The following ABCB9 variants were observed in gnomAD, a reference collection of about 807,000 sequenced individuals.
ABCB9 encodes ABC-type oligopeptide transporter ABCB9.
Under a neutral mutation model 62.0 loss-of-function variants are expected in ABCB9, and 36 were observed. The ratio of observed to expected loss-of-function variants is 0.58; its 90% confidence interval spans 0.45 to 0.77. The LOEUF (loss-of-function observed/expected upper bound fraction) is 0.77, where lower values mean the gene tolerates loss of function less well. ABCB9 is among the 30% of genes least tolerant of loss of function. The pLI is 0.00. For missense variants in ABCB9, 943 were observed against 1,054.7 expected (o/e 0.89, Z 1.47); for synonymous variants, 435 against 461.4 (o/e 0.94, Z 0.73).
Position 122,946,166 on chromosome 12 carries a change from C to T in ABCB9, c.1110G>A (p.Glu370=). ...ALARASNTAE[E]TISAMKTVRS... ...GGACAGTCTTCATGGCACTGATGGT[C>T]TCCTCCGCCGTGTTGCTCGCTCTGG... The change falls in exon 6 of 12, where the codon GAG becomes GAA. Residue 370 remains glutamate, a synonymous_variant. Transcript: ENST00000280560. The T allele has an allele frequency of 1.9e-6, 3 of 1,614,188 alleles. No homozygotes were observed. Among genetic ancestry groups the T allele is most frequent in the South Asian group, 1.1e-5 (1 of 91,078 alleles).
chr12:122,945,169 C>T (rs2035967917), intron 6 of ABCB9, among the ~76,000 whole-genome samples: 1 of 152,160 alleles, frequency 6.6e-6, no homozygotes, highest in Non-Finnish European at 1.5e-5. Context: ...TGGACCTTAG[C>T]CCCTCCTCTC....
At position 122,929,520 on chromosome 12, in the gene ABCB9, G is replaced by C. The variant is rs1442632540; in HGVS notation, c.*391C>G. On this transcript the variant is annotated 3_prime_UTR_variant, in exon 12 of 12. Coordinates refer to ENST00000280560, the MANE Select transcript of ABCB9 (RefSeq NM_019625.4). The surrounding 1 kb of genome is among the most constrained non-coding windows in gnomAD (Gnocchi z 6.0). ...ACTAAGGAAGGGCCATTCACTCCTGGCTCAGAAGTTTCTAGAACATCTTGG... is the reference window on the plus strand; with the variant it reads ...ACTAAGGAAGGGCCATTCACTCCTGCCTCAGAAGTTTCTAGAACATCTTGG... 4 of 1,009,984 alleles carry C rather than the reference G, an allele frequency of 4.0e-6. No individual in the cohort carries two copies. Among genetic ancestry groups the C allele is most frequent in the Non-Finnish European group, 4.7e-6 (4 of 846,656 alleles). The allele number at this position is 1,009,984 out of a possible 1,614,324, so 62.6% of individuals were successfully genotyped here.
At chr12:122,971,465 A>G (rs2037270290), upstream of ABCB9, among the ~76,000 whole-genome samples, 1 of 151,460 alleles carries the variant, frequency 6.6e-6, no homozygotes, top group African/African-American at 2.4e-5. Flanking sequence ...ATTTTTAATG[A>G]TTTTTTTGAG....
chr12:122,929,015 T>G lies in ABCB9; in HGVS notation c.*896A>C. 6.1e-6 allele frequency: 6 copies of G among 985,826 alleles called. No individual in the cohort carries two copies. Among genetic ancestry groups the G allele is most frequent in the Non-Finnish European group, 7.2e-6 (6 of 829,952 alleles). 61.1% of individuals were successfully genotyped at this position (985,826 alleles called of 1,614,324 possible). A position where few individuals can be genotyped will look rare whatever the true frequency, so the allele number is the denominator to read the frequency against. On this transcript the variant is annotated 3_prime_UTR_variant, in exon 12 of 12. Coordinates refer to ENST00000280560, the MANE Select transcript of ABCB9 (RefSeq NM_019625.4). The surrounding 1 kb of genome is among the most constrained non-coding windows in gnomAD (Gnocchi z 6.0). ...GGTTAGGGGTAAGAGGTAGTACACTTTATTGACCGGGTTCTCTCAACATGT... is the reference window on the plus strand; with the variant it reads ...GGTTAGGGGTAAGAGGTAGTACACTGTATTGACCGGGTTCTCTCAACATGT...
chr12:122,938,123 A>G (rs1469397015), intron 9 of ABCB9, among the ~76,000 whole-genome samples: 2 of 152,140 alleles, frequency 1.3e-5, no homozygotes, highest in Non-Finnish European at 2.9e-5. Flanking sequence ...CAAGCTTTCT[A>G]CTCTTAGGAT....
intron 11 of ABCB9, among the ~76,000 whole-genome samples, chr12:122,922,009 C>T (rs888138524): frequency 1.3e-5 from 2 of 152,026 alleles, no homozygotes; most frequent in Non-Finnish European, 2.9e-5. Flanking sequence ...TGAATAGAGG[C>T]GGCTAGGGAG....
intron 1 of ABCB9, among the ~76,000 whole-genome samples, chr12:122,963,127 G>C (rs1226336390): frequency 6.6e-6 from 1 of 152,064 alleles, no homozygotes; most frequent in African/African-American, 2.4e-5. Flanking sequence ...GCGAAATCCC[G>C]TCTCTACTAA....
chr12:122,949,921 A>G lies in ABCB9; in HGVS notation c.717-3T>C. On this transcript the variant is annotated splice_polypyrimidine_tract_variant and splice_region_variant and intron_variant, in intron 3 of 11. Transcript: ENST00000280560. ...CCCGAATACCTGCGGCAAATGAGCTAATTGCAGATAAGAGATATTATAGCA... is the reference window on the plus strand; with the variant it reads ...CCCGAATACCTGCGGCAAATGAGCTGATTGCAGATAAGAGATATTATAGCA... The G allele has an allele frequency of 6.2e-7, 1 of 1,614,038 alleles. No homozygotes were observed. Among genetic ancestry groups the G allele is most frequent in the South Asian group, 1.1e-5 (1 of 91,088 alleles).
chr12:122,961,378 A>G (rs2036898435), intron 1 of ABCB9, among the ~76,000 whole-genome samples: 1 of 151,956 alleles, frequency 6.6e-6, no homozygotes, highest in African/African-American at 2.4e-5. Context: ...TTTTTAGTAG[A>G]GACGGGGTTT....
chr12:122,936,096 AAAAGTT>A (rs1310502569), intron 9 of ABCB9, among the ~76,000 whole-genome samples: 1 of 152,216 alleles, frequency 6.6e-6, no homozygotes, highest in Non-Finnish European at 1.5e-5. Context: ...CATAAGTAGC[AAAAGTT>A]AATTAGTTAA....
rs1295431996 is a variant in ABCB9, at chr12:122,942,424, CTGAAAATACAATTTTGTACTAAATTTTG to C, written c.1381-1457_1381-1430del. ...CCAACATGGTGCAACCCCATTTCTA[CTGAAAATACAATTTTGTACTAAATTTTG>C]TACTAAAAGTACAAAAATTAGCTGG... On this transcript the variant is annotated intron_variant, in intron 7 of 11. Coordinates refer to ENST00000280560, the MANE Select transcript of ABCB9 (RefSeq NM_019625.4). Among the ~76,000 whole-genome samples, 953 of 141,704 alleles carry C rather than the reference CTGAAAATACAATTTTGTACTAAATTTTG, an allele frequency of 6.7e-3. 13 individuals are homozygous for C. Among genetic ancestry groups the C allele is most frequent in the African/African-American group, 0.029 (919 of 31,986 alleles). 93.0% of individuals were successfully genotyped at this position (141,704 alleles called of 152,430 possible).
At chr12:122,925,803 G>T (rs879296992), downstream of ABCB9, among the ~76,000 whole-genome samples, 1 of 152,202 alleles carries the variant, frequency 6.6e-6, no homozygotes, top group Non-Finnish European at 1.5e-5. Context: ...AGCACTAATA[G>T]CAGTACTATT....
Position 122,940,843 on chromosome 12 carries a change from G to A in ABCB9, c.1533C>T (p.Phe511=), listed in dbSNP as rs889120292. The A allele has an allele frequency of 1.2e-6, 2 of 1,609,328 alleles. No homozygotes were observed. Among genetic ancestry groups the A allele is most frequent in the Non-Finnish European group, 1.7e-6 (2 of 1,176,830 alleles). The part of the protein sequence containing the change: ...EGRVDFENVT[F]TYRTRPHTQV... ...GGGTGTGGGGCCGAGTGCGGTAGGTGAAGGTCACATTCTCAAAGTCCACCC... is the reference window on the plus strand; with the variant it reads ...GGGTGTGGGGCCGAGTGCGGTAGGTAAAGGTCACATTCTCAAAGTCCACCC... Residue 511 remains phenylalanine (F), a synonymous_variant, in exon 8 of 12, where the codon TTC becomes TTT. Coordinates refer to ENST00000280560, the MANE Select transcript of ABCB9 (RefSeq NM_019625.4). The surrounding 1 kb of genome is among the most constrained non-coding windows in gnomAD (Gnocchi z 4.8).
chr12:122,924,855 G>GT (rs1033101891), downstream of ABCB9: 3 of 1,530,932 alleles, frequency 2.0e-6, no homozygotes, highest in Admixed American at 2.0e-5. Flanking sequence ...TAAATTAATT[G>GT]TAACAGAAAA....
upstream of ABCB9, among the ~76,000 whole-genome samples, chr12:122,969,142 C>T (rs1180973740): frequency 6.7e-6 from 1 of 150,050 alleles, no homozygotes. Flanking sequence ...GGTGAGTGGG[C>T]CACCAGTCAC....
upstream of ABCB9, among the ~76,000 whole-genome samples, chr12:122,969,908 T>C (rs1235421548): frequency 6.6e-6 from 1 of 152,180 alleles, no homozygotes; most frequent in Non-Finnish European, 1.5e-5. Context: ...CATTCATTGC[T>C]GCTGGGAATG....
At chr12:122,934,851 G>GCT (rs2035375567) in intron 10 of ABCB9, among the ~76,000 whole-genome samples, 1 of 150,024 alleles carries the variant, frequency 6.7e-6, no homozygotes, top group Admixed American at 6.6e-5. Context: ...AGCTCCTTAT[G>GCT]CTCTGCACCT....
downstream of ABCB9, among the ~76,000 whole-genome samples, chr12:122,926,667 T>A (rs555705925): frequency 2.6e-5 from 4 of 151,766 alleles, no homozygotes; most frequent in African/African-American, 7.3e-5. Flanking sequence ...GGTGGGAGGA[T>A]TGATTGAGGC....
rs764115764 is a variant in ABCB9 at position 122,950,505 on chromosome 12, C to G, written c.662G>C (p.Ser221Thr). 5 of 1,613,380 alleles carry G rather than the reference C, an allele frequency of 3.1e-6. No individual in the cohort carries two copies. Among genetic ancestry groups the G allele is most frequent in the Non-Finnish European group, 4.2e-6 (5 of 1,179,968 alleles). The change falls in exon 3 of 12, where the codon AGC becomes ACC. Residue 221 changes from serine (S) to threonine (T), a missense_variant. Physicochemically the swap from Ser to Thr is moderately conservative, Grantham distance 58 (BLOSUM62 1). Transcript: ENST00000280560. ...RAIDGIVIQK[S>T]MDQFSTAVVI... ...GACAGCCGTGCTGAACTGATCCATG[C>G]TTTTCTGGATGACGATGCCATCAAT...
Sources: gnomAD v4.1 joint callset for allele counts (sites outside exome capture counted in the v4.1 genomes callset) on GRCh38, gnomAD v4.1.1 for gene constraint, Gnocchi (gnomAD v3.1) non-coding constraint, MANE v1.5 for transcripts, NCBI Gene and HGNC (gene_info 2026-07-23, HGNC 2026-07-21) for gene names.